Variants in ALMS1 observed in about 807,000 individuals in gnomAD.
The protein encoded by ALMS1 is centrosome-associated protein ALMS1.
A neutral mutation model predicts 352.2 loss-of-function variants in ALMS1; 271 were observed. The ratio of observed to expected loss-of-function variants is 0.77; its 90% CI spans 0.70 to 0.85. ALMS1 has a LOEUF of 0.85. Among genes scored for constraint, ALMS1 ranks in the 40% least tolerant of loss-of-function variants. The pLI, the probability that ALMS1 is intolerant of heterozygous loss-of-function variation, is 0.00. For missense variants in ALMS1, 5,445 were observed against 4,870.7 expected, an observed-to-expected ratio of 1.12 and a Z score of -3.51; for synonymous variants, 1,865 against 1,761.2, an observed-to-expected ratio of 1.06 and a Z score of -1.48.
intron 12 of ALMS1, among the ~76,000 whole-genome samples, chr2:73,545,222 C>G (rs554247758): frequency 1.7e-4 from 25 of 150,492 alleles, no homozygotes; most frequent in African/African-American, 5.6e-4. Flanking sequence ...GCTTTGTTAC[C>G]CAGGCTGGAG....
chr2:73,478,739 T>C (rs184814445), intron 9 of ALMS1, among the ~76,000 whole-genome samples: 2 of 152,220 alleles, frequency 1.3e-5, no homozygotes, highest in Admixed American at 1.3e-4. Flanking sequence ...GTTACACAGG[T>C]ATACATGTGC....
intron 1 of ALMS1, among the ~76,000 whole-genome samples, chr2:73,392,815 A>G (rs1009816214): frequency 4.6e-5 from 7 of 152,118 alleles, no homozygotes; most frequent in African/African-American, 1.4e-4. Context: ...ACATTCTTAT[A>G]TAAGTGTATG....
At chr2:73,599,882 T>C (rs1675636351) in intron 17 of ALMS1, among the ~76,000 whole-genome samples, 1 of 152,358 alleles carries the variant, frequency 6.6e-6, no homozygotes, top group South Asian at 2.1e-4. Flanking sequence ...ATGTGCAAAA[T>C]AGTGTACAAA....
In ALMS1 at chr2:73,408,625, G is replaced by A. The variant is rs2103675391; in HGVS notation, c.328G>A (p.Val110Ile). 1 of 1,612,784 alleles carries A rather than the reference G, an allele frequency of 6.2e-7. No homozygotes were observed. Among genetic ancestry groups the A allele is most frequent in the African/African-American group, 1.3e-5 (1 of 74,950 alleles). Residue 110 changes from valine (V) to isoleucine (I), a missense_variant, in exon 2 of 23, where the codon GTT (valine) becomes ATT (isoleucine). Val to Ile is a conservative substitution (Grantham distance 29, BLOSUM62 3). Coordinates refer to ENST00000613296, the MANE Select transcript of ALMS1 (RefSeq NM_001378454.1). ...TAAGCCTGCTTTTGATTTTCAGATT[G>A]TTCCATTGACCTGTCATGTATGGCA... ...EGERTSLEKI[V>I]PLTCHVWQQI...
intron 9 of ALMS1, among the ~76,000 whole-genome samples, chr2:73,483,323 GT>G (rs1672754882): frequency 7.1e-6 from 1 of 141,320 alleles, no homozygotes; most frequent in Non-Finnish European, 1.6e-5. Context: ...CCTTCATTTC[GT>G]TATGTACCCA....
At chr2:73,509,499 A>G (rs1398355475) in intron 10 of ALMS1, among the ~76,000 whole-genome samples, 2 of 152,148 alleles carry the variant, frequency 1.3e-5, no homozygotes, top group Non-Finnish European at 2.9e-5. Flanking sequence ...AAAGGATTTT[A>G]TTTCTCCTTC....
At chr2:73,546,218 T>TAGTA (rs1674316724) in intron 12 of ALMS1, among the ~76,000 whole-genome samples, 1 of 152,192 alleles carries the variant, frequency 6.6e-6, no homozygotes, top group South Asian at 2.1e-4. Context: ...AGTGAAAAAA[T>TAGTA]AGTAATGAGA....
intron 1 of ALMS1, among the ~76,000 whole-genome samples, chr2:73,395,472 T>C (rs1331801749): frequency 6.6e-6 from 1 of 152,204 alleles, no homozygotes. Flanking sequence ...AGATCTTCTT[T>C]AAATTTCAAT....
At chr2:73,525,778 G>C (rs895105320) in intron 11 of ALMS1, among the ~76,000 whole-genome samples, 2 of 151,970 alleles carry the variant, frequency 1.3e-5, no homozygotes, top group Admixed American at 6.6e-5. Context: ...TTTTTAACTT[G>C]ATGTGATCAC....
chr2:73,562,141 TTGTATGTA>T (rs3076386), intron 15 of ALMS1, among the ~76,000 whole-genome samples: 19,518 of 151,238 alleles, frequency 0.13, 1,320 homozygotes, highest in East Asian at 0.22. Context: ...GAACTTACAA[TTGTATGTA>T]TGTATGTATG....
Position 73,453,065 on chromosome 2 carries a change from G to A in ALMS1, c.6538G>A (p.Gly2180Arg), listed in dbSNP as rs145953016. 1.2e-5 allele frequency: 20 copies of A among 1,613,870 alleles called. No homozygotes were observed. Among genetic ancestry groups the A allele is most frequent in the East Asian group, 2.2e-5 (1 of 44,866 alleles). The change falls in exon 8 of 23, where the codon GGA (glycine) becomes AGA (arginine). Residue 2180 changes from glycine to arginine, a missense_variant. Transcript: ENST00000613296. Reference sequence around the variant, plus strand: ...TCTTGGGCAAGCTGATCAAATTACCGGATTACAAACAGTTCCCTCTGGTAC... The same window carrying A: ...TCTTGGGCAAGCTGATCAAATTACCAGATTACAAACAGTTCCCTCTGGTAC... ...SALGQADQITGLQTVPSGTYS... is the reference protein window; with the variant it reads ...SALGQADQITRLQTVPSGTYS...
chr2:73,538,784 T>C (rs1435314271), intron 12 of ALMS1, among the ~76,000 whole-genome samples: 1 of 152,166 alleles, frequency 6.6e-6, no homozygotes, highest in African/African-American at 2.4e-5. Context: ...GCCTCGCTCA[T>C]TGCTAGCACA....
chr2:73,428,220 A>ATTCT (rs1671418871), intron 6 of ALMS1, among the ~76,000 whole-genome samples: 1 of 152,196 alleles, frequency 6.6e-6, no homozygotes, highest in African/African-American at 2.4e-5. Flanking sequence ...AATCCTATCA[A>ATTCT]ATAGAATTGT....
chr2:73,407,570 T>C (rs1029770180), intron 1 of ALMS1, among the ~76,000 whole-genome samples: 1 of 152,254 alleles, frequency 6.6e-6, no homozygotes, highest in East Asian at 1.9e-4. Context: ...TATTTTCCTA[T>C]GGCTTAAAGT....
In ALMS1 at chr2:73,448,556, T is replaced by A; in HGVS notation, c.2029T>A (p.Phe677Ile). The stretch of plus-strand genomic sequence containing the variant: ...CCACTCACATGTAGAGGACCTCCTC[T>A]TTTTCTATCGACAGACCTTGCCAGA... ...TSHSHVEDLLFFYRQTLPDGH... is the reference protein window; with the variant it reads ...TSHSHVEDLLIFYRQTLPDGH... The change falls in exon 8 of 23, where the codon TTT (phenylalanine) becomes ATT (isoleucine). Residue 677 changes from phenylalanine to isoleucine, a missense_variant. By Grantham distance (21) the Phe-to-Ile change is conservative. Coordinates refer to ENST00000613296, the MANE Select transcript of ALMS1 (RefSeq NM_001378454.1). 1 of 1,613,624 alleles carries A rather than the reference T, an allele frequency of 6.2e-7. No individual in the cohort carries two copies. Among genetic ancestry groups the A allele is most frequent in the Non-Finnish European group, 8.5e-7 (1 of 1,179,826 alleles).
intron 10 of ALMS1, among the ~76,000 whole-genome samples, chr2:73,515,264 A>G (rs1673531642): frequency 6.6e-6 from 1 of 151,952 alleles, no homozygotes; most frequent in Non-Finnish European, 1.5e-5. Context: ...TCTTTTTTTA[A>G]TAGATTGTAG....
At chr2:73,592,120 G>A (rs891710137) in intron 16 of ALMS1, among the ~76,000 whole-genome samples, 1 of 152,068 alleles carries the variant, frequency 6.6e-6, no homozygotes, top group African/African-American at 2.4e-5. Context: ...TTTGTTCTCT[G>A]CAATCTTTAC....
At chr2:73,445,922 C>G (rs1671804052) in intron 7 of ALMS1, among the ~76,000 whole-genome samples, 1 of 151,948 alleles carries the variant, frequency 6.6e-6, no homozygotes, top group African/African-American at 2.4e-5. Context: ...TTCTTCTTTC[C>G]CAGGGCTGAG....
At chr2:73,454,743 T>G (rs1672024062) in intron 8 of ALMS1, among the ~76,000 whole-genome samples, 1 of 152,218 alleles carries the variant, frequency 6.6e-6, no homozygotes, top group African/African-American at 2.4e-5. Context: ...AAATCGTCCC[T>G]TGAGGTTAAC....
Sources: allele counts gnomAD v4.1 joint callset (sites outside exome capture counted in the v4.1 genomes callset), GRCh38; gene constraint gnomAD v4.1.1; transcripts MANE v1.5; gene names NCBI Gene and HGNC (gene_info 2026-07-23, HGNC 2026-07-21).